Variants in NCAM1 observed in about 807,000 individuals in gnomAD.
The protein encoded by NCAM1 is neural cell adhesion molecule 1.
A neutral mutation model predicts 109.8 loss-of-function variants in NCAM1; 14 were observed. The observed-to-expected ratio is 0.13, with a 90% CI of 0.08 to 0.20. The LOEUF is 0.20. Among genes scored for constraint, NCAM1 ranks in the 10% least tolerant of loss-of-function variants. NCAM1 has a pLI of 1.00. For synonymous variants in NCAM1, 418 were observed against 442.9 expected, an observed-to-expected ratio of 0.94 and a Z score of 0.70; for missense variants, 774 against 1,109.9, an observed-to-expected ratio of 0.70 and a Z score of 4.30.
chr11:113,166,242 G>A (rs963906946), intron 1 of NCAM1, among the ~76,000 whole-genome samples: 1 of 152,188 alleles, frequency 6.6e-6, no homozygotes, highest in African/African-American at 2.4e-5. Context: ...ACAGTGGAGG[G>A]GCATAGGGCT....
rs782446454 is a variant in NCAM1 at position 113,260,262 on chromosome 11, A to C, written c.2070A>C (p.Gln690His). 3.7e-6 allele frequency: 6 copies of C among 1,614,006 alleles called. No individual in the cohort carries two copies. The highest frequency in any genetic ancestry group is 5.1e-6 in the Non-Finnish European group (6 of 1,179,886). The change falls in exon 17 of 20, where the codon CAA becomes CAC. Residue 690 changes from glutamine (Q) to histidine (H), a missense_variant. Gln to His is a conservative substitution (Grantham distance 24). This residue lies in a region of NCAM1 where 523 missense variants were observed against 784.2 expected (regional missense o/e 0.67). Transcript: ENST00000316851. The part of the protein sequence containing the change: ...YEVYVVAENQ[Q>H]GKSKAAHFVF... The stretch of plus-strand genomic sequence containing the variant: ...TCTACGTGGTGGCTGAGAACCAGCA[A>C]GGAAAATCCAAGGCGGCTCATTTTG...
At chr11:113,198,032 A>T (rs946452884) in intron 1 of NCAM1, among the ~76,000 whole-genome samples, 7 of 151,648 alleles carry the variant, frequency 4.6e-5, no homozygotes, top group African/African-American at 9.7e-5. Flanking sequence ...TCATCAGTTT[A>T]AAAAAAAAGA....
intron 1 of NCAM1, among the ~76,000 whole-genome samples, chr11:112,984,318 A>G (rs1436865213): frequency 6.6e-6 from 1 of 151,954 alleles, no homozygotes; most frequent in Non-Finnish European, 1.5e-5. Flanking sequence ...TTTTTTCTGT[A>G]ACTTGGCTAT....
chr11:113,196,891 G>A (rs1396751200), intron 1 of NCAM1, among the ~76,000 whole-genome samples: 1 of 152,194 alleles, frequency 6.6e-6, no homozygotes, highest in Admixed American at 6.5e-5. Flanking sequence ...TTATAATGCT[G>A]TAAAGAAATG....
At chr11:113,025,024 C>T (rs1591259089) in intron 1 of NCAM1, among the ~76,000 whole-genome samples, 1 of 152,310 alleles carries the variant, frequency 6.6e-6, no homozygotes, top group South Asian at 2.1e-4. Flanking sequence ...AAGTAAATGG[C>T]TAACAGCTTC....
At chr11:113,160,519 C>T (rs1212670116) in intron 1 of NCAM1, among the ~76,000 whole-genome samples, 3 of 152,142 alleles carry the variant, frequency 2.0e-5, no homozygotes, top group African/African-American at 7.2e-5. Flanking sequence ...TCAGACACAA[C>T]CCATGTTACT....
chr11:113,202,270 G>A (rs1944085987), intron 1 of NCAM1, 109 bp from the exon 2 acceptor site: 7 of 1,137,186 alleles, frequency 6.2e-6, no homozygotes, highest in Admixed American at 2.6e-5. Flanking sequence ...GCCTATTTTT[G>A]AATGGAAGAT....
intron 1 of NCAM1, among the ~76,000 whole-genome samples, chr11:113,051,380 G>A (rs1339067210): frequency 5.9e-5 from 9 of 152,124 alleles, no homozygotes; most frequent in Non-Finnish European, 1.3e-4. Flanking sequence ...GTGAAATGAG[G>A]TGTTGGGTTA....
chr11:113,273,519 C>A lies in NCAM1; in HGVS notation c.2456+1643C>A. On this transcript the variant is annotated intron_variant, in intron 19 of 19. Transcript: ENST00000316851. This position sits in a 1 kb window ranked among gnomAD's most constrained non-coding sequence, Gnocchi z 6.0. ...GAGCCCGGCCGAGGCAGCCACAGCC[C>A]TTGCTAGCCCGAAGAGCGAGGCTGC... 1 of 348,866 alleles carries A rather than the reference C, an allele frequency of 2.9e-6. No homozygotes were observed. The highest frequency in any genetic ancestry group is 5.8e-6 in the Non-Finnish European group (1 of 171,578). The allele number at this position is 348,866 out of a possible 1,614,324, so 21.6% of individuals were successfully genotyped here.
chr11:113,130,944 C>T (rs1941360222), intron 1 of NCAM1: 1 of 152,138 alleles, frequency 6.6e-6, no homozygotes, highest in Non-Finnish European at 1.5e-5. Context: ...TAACTCTCTC[C>T]TTGCAGCACT....
At chr11:113,177,964 G>A (rs1427102516) in intron 1 of NCAM1, among the ~76,000 whole-genome samples, 1 of 152,142 alleles carries the variant, frequency 6.6e-6, no homozygotes, top group Non-Finnish European at 1.5e-5. Flanking sequence ...TTCACTAGAG[G>A]AGAGTGGGTG....
chr11:113,142,348 C>T (rs1941860701), intron 1 of NCAM1, among the ~76,000 whole-genome samples: 1 of 152,168 alleles, frequency 6.6e-6, no homozygotes, highest in Non-Finnish European at 1.5e-5. Flanking sequence ...CCACATAAAT[C>T]CCTAGAGTGA....
At chr11:113,231,620 C>A (rs782165402) in intron 9 of NCAM1, 25 bp from the exon 10 acceptor site, 6 of 1,609,496 alleles carry the variant, frequency 3.7e-6, no homozygotes, top group African/African-American at 1.3e-5. Flanking sequence ...CTCTGACATG[C>A]TCCCTTCCCC....
rs1325714115 is a variant in NCAM1 at position 112,963,030 on chromosome 11, G to A, written c.52+1366G>A. Among the ~76,000 whole-genome samples, 1 of 152,118 alleles carries A rather than the reference G, an allele frequency of 6.6e-6. No individual in the cohort carries two copies. The highest frequency in any genetic ancestry group is 2.1e-4 in the South Asian group (1 of 4,830). The stretch of plus-strand genomic sequence containing the variant: ...CACCCAGTGCGCCCCCTCCGCGGGC[G>A]GCACAAGAGCAGCGCTCGGCCGCCG... On this transcript the variant is annotated intron_variant, in intron 1 of 19. Coordinates refer to ENST00000316851, the MANE Select transcript of NCAM1 (RefSeq NM_181351.5). This position sits in a 1 kb window ranked among gnomAD's most constrained non-coding sequence, Gnocchi z 4.6.
intron 6 of NCAM1, 109 bp downstream of exon 6, chr11:113,207,487 A>G: frequency 1.2e-6 from 1 of 840,716 alleles, no homozygotes; most frequent in Non-Finnish European, 1.9e-6. Flanking sequence ...TCTTAGGAAT[A>G]TTAACCCCAG....
At chr11:112,995,079 G>A (rs1951558844) in intron 1 of NCAM1, among the ~76,000 whole-genome samples, 1 of 152,050 alleles carries the variant, frequency 6.6e-6, no homozygotes, top group Non-Finnish European at 1.5e-5. Flanking sequence ...ATATCCTGGA[G>A]CTTGGCACAT....
chr11:113,043,172 AG>A (rs1208770852), intron 1 of NCAM1, among the ~76,000 whole-genome samples: 2 of 151,364 alleles, frequency 1.3e-5, no homozygotes, highest in African/African-American at 4.9e-5. Context: ...CAGATCAGGG[AG>A]GGGGGCTGTA....
At chr11:113,046,641 GAT>G (rs1253575750) in intron 1 of NCAM1, among the ~76,000 whole-genome samples, 1 of 152,142 alleles carries the variant, frequency 6.6e-6, no homozygotes, top group African/African-American at 2.4e-5. Context: ...TGAATGAATG[GAT>G]GAATAAACAC....
At chr11:113,263,070 G>A in intron 17 of NCAM1, 1 of 1,402,938 alleles carries the variant, frequency 7.1e-7, no homozygotes, top group African/African-American at 1.4e-5. Context: ...TTTGTGATTG[G>A]AAAAAGCTTT....
Sources: allele counts gnomAD v4.1 joint callset (sites outside exome capture counted in the v4.1 genomes callset), GRCh38; gene constraint gnomAD v4.1.1; regional missense constraint gnomAD v4.1.1; non-coding constraint Gnocchi (gnomAD v3.1); transcripts MANE v1.5; gene names NCBI Gene and HGNC (gene_info 2026-07-23, HGNC 2026-07-21).